ISCU: variants seen among roughly 807,000 people sequenced by gnomAD.
ISCU encodes iron-sulfur cluster assembly enzyme.
A neutral mutation model predicts 18.4 loss-of-function variants in ISCU; 13 were observed. That is an observed-to-expected ratio of 0.71 (90% CI 0.46 to 1.12). ISCU has a LOEUF of 1.12. ISCU is among the 50% of genes most tolerant of loss of function. The pLI is 0.00. For missense variants in ISCU, 229 were observed against 208.7 expected, an observed-to-expected ratio of 1.10 and a Z score of -0.60; for synonymous variants, 104 against 87.5, an observed-to-expected ratio of 1.19 and a Z score of -1.06.
intron 4 of ISCU, chr12:108,568,330 ACT>A (rs1361008520): frequency 1.9e-6 from 2 of 1,080,450 alleles, no homozygotes; most frequent in African/African-American, 3.3e-5. Flanking sequence ...AAGTGGTCAA[ACT>A]CTCGATCACT....
chr12:108,564,422 CAAT>C, intron 2 of ISCU, 30 bp downstream of exon 2: 2 of 1,426,346 alleles, frequency 1.4e-6, no homozygotes, highest in East Asian at 2.3e-5. Context: ...ATAGTGATAA[CAAT>C]AATCCCTTTA....
chr12:108,568,690 A>C, intron 4 of ISCU, 141 bp from the exon 5 acceptor site: 2 of 1,501,564 alleles, frequency 1.3e-6, no homozygotes, highest in South Asian at 2.6e-5. Context: ...GTGCCCAGCA[A>C]CTCCTCACCC....
rs11837563 is a variant in ISCU at position 108,562,649 on chromosome 12, G to A, written c.27G>A (p.Leu9=). MAAAGAFR[L]RRAASALLLR... is the part of the protein sequence containing the mutation. ...TGGCGGCGGCTGGGGCTTTCCGTCT[G>A]AGGCGGGCGGCATCGGCTCTGCTGC... is the stretch of plus-strand genomic sequence containing the variant. Residue 9 remains leucine (L), a synonymous_variant, in exon 1 of 5, where the codon CTG becomes CTA. Transcript: ENST00000311893. 9 of 1,461,414 alleles carry A rather than the reference G, an allele frequency of 6.2e-6. No homozygotes were observed. The highest frequency in any genetic ancestry group is 4.8e-5 in the Admixed American group (2 of 41,952). The allele number at this position is 1,461,414 out of a possible 1,614,324, so 90.5% of individuals were successfully genotyped here. A position where few individuals can be genotyped will look rare whatever the true frequency, so the allele number is the denominator to read the frequency against.
Position 108,565,386 on chromosome 12 carries a change from A to C in ISCU, c.294A>C (p.Ala98=), listed in dbSNP as rs1467682811. The change falls in exon 3 of 5, where the codon GCA becomes GCC. Residue 98 remains alanine, a synonymous_variant. Coordinates refer to ENST00000311893, the MANE Select transcript of ISCU (RefSeq NM_213595.4). ...TTAAAACATTTGGCTGTGGTTCCGCAATTGCCTCCAGCTCATTAGCCACTG... is the reference window on the plus strand; with the variant it reads ...TTAAAACATTTGGCTGTGGTTCCGCCATTGCCTCCAGCTCATTAGCCACTG... The part of the protein sequence containing the change: ...ARFKTFGCGS[A]IASSSLATEW... 2 of 1,614,150 alleles carry C rather than the reference A, an allele frequency of 1.2e-6. No individual in the cohort carries two copies. Among genetic ancestry groups the C allele is most frequent in the Non-Finnish European group, 8.5e-7 (1 of 1,179,968 alleles).
chr12:108,564,403 T>C lies in ISCU; in HGVS notation c.228+11T>C, dbSNP rs767846973. 17 of 1,543,190 alleles carry C rather than the reference T, an allele frequency of 1.1e-5. No homozygotes were observed. The Admixed American group carries it at 2.8e-4, about 26-fold the overall frequency. On this transcript the variant is annotated intron_variant, in intron 2 of 4. Transcript: ENST00000311893. ...GTAATGAAATTACAGGTATGGCTAG[T>C]CTTTTTTAATAGTGATAACAATAAT... is the stretch of plus-strand genomic sequence containing the variant.
intron 1 of ISCU, 50 bp from the exon 2 acceptor site, chr12:108,564,229 C>A (rs1158228501): frequency 6.4e-7 from 1 of 1,562,068 alleles, no homozygotes; most frequent in East Asian, 2.2e-5. Context: ...AAACCAGAGA[C>A]CAGTACCAAT....
chr12:108,567,129 G>GTCT, intron 3 of ISCU, 61 bp from the exon 4 acceptor site: 2 of 1,272,744 alleles, frequency 1.6e-6, no homozygotes, highest in Non-Finnish European at 2.3e-6. Flanking sequence ...CTTTTTTATT[G>GTCT]GCTGGCCCTC....
chr12:108,567,425 C>T, intron 4 of ISCU, 157 bp downstream of exon 4: 1 of 742,798 alleles, frequency 1.3e-6, no homozygotes, highest in Non-Finnish European at 2.4e-6. Flanking sequence ...TTAGAGCCCC[C>T]ATGGTCTCAC....
chr12:108,568,507 T>C (rs2031004764), intron 4 of ISCU: 1 of 1,225,968 alleles, frequency 8.2e-7, no homozygotes, highest in South Asian at 1.8e-5. Context: ...GTCAGACATC[T>C]TCTGTAAGTC....
At chr12:108,563,012 G>A (rs1195254880) in intron 1 of ISCU, 1 of 292,318 alleles carries the variant, frequency 3.4e-6, no homozygotes, top group Non-Finnish European at 6.3e-6. Flanking sequence ...GGGTCCTGTT[G>A]GGACTTGTCT....
At position 108,569,124 on chromosome 12, in the gene ISCU, C is replaced by T. The variant is rs910141421; in HGVS notation, c.*208C>T. 17 of 587,678 alleles carry T rather than the reference C, an allele frequency of 2.9e-5. No individual in the cohort carries two copies. The highest frequency in any genetic ancestry group is 5.6e-5 in the African/African-American group (3 of 53,540). 36.4% of individuals were successfully genotyped at this position (587,678 alleles called of 1,614,324 possible). ...GTGGTTTCTTTCAGCCCACTTTTAT[C>T]GCCTTAACCTAGTTAATGTATATTT... On this transcript the variant is annotated 3_prime_UTR_variant, in exon 5 of 5. Transcript: ENST00000311893.
At chr12:108,564,247 G>A in intron 1 of ISCU, 32 bp from the exon 2 acceptor site, 1 of 1,580,320 alleles carries the variant, frequency 6.3e-7, no homozygotes, top group South Asian at 1.1e-5. Flanking sequence ...AATAGAGAGT[G>A]AACATGATTT....
chr12:108,563,803 A>G (rs2030750648), intron 1 of ISCU: 3 of 463,272 alleles, frequency 6.5e-6, no homozygotes, highest in Admixed American at 3.4e-5. Context: ...TAAAAGACAC[A>G]TAAACGTACA....
chr12:108,568,492 T>G (rs1036860540), intron 4 of ISCU: 2 of 1,200,954 alleles, frequency 1.7e-6, no homozygotes, highest in Non-Finnish European at 2.1e-6. Flanking sequence ...GTGTCCCTAC[T>G]ATGTGTCAGA....
At chr12:108,565,210 T>C in intron 2 of ISCU, 111 bp from the exon 3 acceptor site, 1 of 778,032 alleles carries the variant, frequency 1.3e-6, no homozygotes. Flanking sequence ...CATCACTTAG[T>C]GTGGAAAGCA....
At chr12:108,568,566 G>C (rs2031006344) in intron 4 of ISCU, 1 of 1,347,848 alleles carries the variant, frequency 7.4e-7, no homozygotes, top group Non-Finnish European at 9.6e-7. Flanking sequence ...TTCTATAGAA[G>C]AGAAAGTAGG....
At chr12:108,567,096 C>T (rs1296479132) in intron 3 of ISCU, 94 bp from the exon 4 acceptor site, 12 of 900,434 alleles carry the variant, frequency 1.3e-5, no homozygotes, top group Non-Finnish European at 2.2e-5. Context: ...TCCCCACCAA[C>T]CCTGAGAGCC....
Position 108,569,021 on chromosome 12 carries a change from T to G in ISCU, c.*105T>G. ...CCGCTTCCTCTCCACTGAAGAGCTA[T>G]GAGATACGCACAATACTTGCTGTTC... On this transcript the variant is annotated 3_prime_UTR_variant, in exon 5 of 5. Transcript: ENST00000311893. 1.1e-6 allele frequency: 1 copy of G among 893,952 alleles called. No homozygotes were observed. Among genetic ancestry groups the G allele is most frequent in the South Asian group, 1.4e-5 (1 of 70,748 alleles). The allele number at this position is 893,952 out of a possible 1,614,324, so 55.4% of individuals were successfully genotyped here.
chr12:108,564,061 T>G, intron 1 of ISCU: 1 of 1,593,978 alleles, frequency 6.3e-7, no homozygotes, highest in Non-Finnish European at 8.6e-7. Context: ...TTCTTCTAGG[T>G]ATCTCAAATC....
Sources: gnomAD v4.1 joint callset for allele counts on GRCh38, gnomAD v4.1.1 for gene constraint, MANE v1.5 for transcripts, NCBI Gene and HGNC (gene_info 2026-07-23, HGNC 2026-07-21) for gene names.